FUT9: variants seen among roughly 807,000 people sequenced by gnomAD.
The protein encoded by FUT9 is 4-galactosyl-N-acetylglucosaminide 3-alpha-L-fucosyltransferase 9.
Under a neutral mutation model 29.7 loss-of-function variants are expected in FUT9, and 15 were observed. That is an observed-to-expected ratio of 0.51 (90% CI 0.34 to 0.78). The LOEUF is 0.78. Among genes scored for constraint, FUT9 ranks in the 30% least tolerant of loss-of-function variants. The pLI, the probability that FUT9 is intolerant of heterozygous loss-of-function variation, is 0.01. For synonymous variants in FUT9, 169 were observed against 153.7 expected (o/e 1.10, Z -0.74); for missense variants, 319 against 425.4 (o/e 0.75, Z 2.20).
intron 1 of FUT9, among the ~76,000 whole-genome samples, chr6:96,091,441 A>G (rs1422517754): frequency 6.6e-6 from 1 of 152,110 alleles, no homozygotes; most frequent in Non-Finnish European, 1.5e-5. Flanking sequence ...TCATTATCAT[A>G]TCTTGGATCA....
At chr6:96,116,124 G>A (rs961895149) in intron 2 of FUT9, among the ~76,000 whole-genome samples, 3 of 151,992 alleles carry the variant, frequency 2.0e-5, no homozygotes, top group African/African-American at 7.3e-5. Flanking sequence ...TAATTTTCCT[G>A]GTAAAATATC....
intron 2 of FUT9, among the ~76,000 whole-genome samples, chr6:96,172,977 A>G (rs1773140724): frequency 6.6e-6 from 1 of 152,164 alleles, no homozygotes; most frequent in African/African-American, 2.4e-5. Flanking sequence ...GTCAAAATGA[A>G]TGGTTTTATG....
At chr6:96,199,440 A>G (rs1185992579) in intron 2 of FUT9, among the ~76,000 whole-genome samples, 2 of 152,092 alleles carry the variant, frequency 1.3e-5, no homozygotes. Flanking sequence ...GCAGAGAGTT[A>G]AGAAGGATAA....
chr6:96,065,598 T>C (rs192038877), intron 1 of FUT9, among the ~76,000 whole-genome samples: 1 of 152,324 alleles, frequency 6.6e-6, no homozygotes, highest in East Asian at 1.9e-4. Context: ...GGAATTTATA[T>C]GCAATTTGAA....
chr6:96,108,264 A>G (rs1771730691), intron 1 of FUT9, among the ~76,000 whole-genome samples: 1 of 152,134 alleles, frequency 6.6e-6, no homozygotes, highest in South Asian at 2.1e-4. Context: ...TTAGAGCCAA[A>G]TCATCCCATG....
At chr6:96,026,872 G>T (rs1033552680) in intron 1 of FUT9, among the ~76,000 whole-genome samples, 2 of 151,516 alleles carry the variant, frequency 1.3e-5, no homozygotes, top group Non-Finnish European at 3.0e-5. Flanking sequence ...ATTAAAACTT[G>T]TTGCTTATTA....
At chr6:96,167,174 T>C (rs1023560634) in intron 2 of FUT9, among the ~76,000 whole-genome samples, 17 of 152,220 alleles carry the variant, frequency 1.1e-4, no homozygotes, top group African/African-American at 3.9e-4. Flanking sequence ...AAGAATAATT[T>C]AAAGTCTATT....
At chr6:96,145,060 ATTTG>A (rs1008756754) in intron 2 of FUT9, among the ~76,000 whole-genome samples, 16 of 151,664 alleles carry the variant, frequency 1.1e-4, no homozygotes, top group Admixed American at 5.3e-4. Flanking sequence ...TTATTTATTT[ATTTG>A]TTTGTTTGTT....
chr6:96,058,822 C>T (rs1160944899), intron 1 of FUT9, among the ~76,000 whole-genome samples: 1 of 152,078 alleles, frequency 6.6e-6, no homozygotes, highest in Non-Finnish European at 1.5e-5. Flanking sequence ...ACTGATTATA[C>T]TTGTTCAGTA....
At chr6:96,048,645 G>T (rs910219586) in intron 1 of FUT9, among the ~76,000 whole-genome samples, 1 of 152,188 alleles carries the variant, frequency 6.6e-6, no homozygotes, top group Non-Finnish European at 1.5e-5. Context: ...TGCTACATCT[G>T]GGAGGAGATG....
chr6:96,175,707 C>G (rs1360891510), intron 2 of FUT9, among the ~76,000 whole-genome samples: 1 of 152,142 alleles, frequency 6.6e-6, no homozygotes, highest in African/African-American at 2.4e-5. Flanking sequence ...TTACCTGGTG[C>G]TATAAACCAG....
At chr6:96,090,031 A>C (rs909884340) in intron 1 of FUT9, among the ~76,000 whole-genome samples, 7 of 152,194 alleles carry the variant, frequency 4.6e-5, no homozygotes, top group African/African-American at 1.7e-4. Flanking sequence ...AGGAGATTTT[A>C]ACACACTTCT....
chr6:96,206,691 ACCTC>A lies in FUT9; in HGVS notation c.*2457_*2460del. The A allele has an allele frequency of 6.1e-6, 1 of 163,574 alleles. No homozygotes were observed. The highest frequency in any genetic ancestry group is 2.1e-4 in the South Asian group (1 of 4,826). 10.1% of individuals were successfully genotyped at this position (163,574 alleles called of 1,614,324 possible). ...TGGCCAGGCTGGTCTTGAACTCCTG[ACCTC>A]AAATGATCCACTTGCCTCAGCCTCC... On this transcript the variant is annotated 3_prime_UTR_variant, in exon 3 of 3. Transcript: ENST00000302103.
At chr6:96,159,814 T>C (rs998692406) in intron 2 of FUT9, among the ~76,000 whole-genome samples, 2 of 152,202 alleles carry the variant, frequency 1.3e-5, no homozygotes, top group African/African-American at 4.8e-5. Flanking sequence ...TTGATTATTT[T>C]AGCAGTAGAT....
At chr6:96,115,747 A>G (rs1318242116) in intron 2 of FUT9, among the ~76,000 whole-genome samples, 1 of 152,222 alleles carries the variant, frequency 6.6e-6, no homozygotes, top group Non-Finnish European at 1.5e-5. Flanking sequence ...AATGACAGAA[A>G]AAGTCAAACC....
At chr6:96,160,745 A>C (rs1043958165) in intron 2 of FUT9, among the ~76,000 whole-genome samples, 1 of 152,178 alleles carries the variant, frequency 6.6e-6, no homozygotes, top group Non-Finnish European at 1.5e-5. Context: ...GGAAAAATGA[A>C]AATGCAGATC....
intron 2 of FUT9, among the ~76,000 whole-genome samples, chr6:96,187,682 A>T (rs4133132): frequency 6.6e-6 from 1 of 151,828 alleles, no homozygotes; most frequent in Non-Finnish European, 1.5e-5. Context: ...ATAAAAATAT[A>T]CAGGGAGGGA....
chr6:96,179,753 C>T (rs979099233), intron 2 of FUT9, among the ~76,000 whole-genome samples: 1 of 23,890 alleles, frequency 4.2e-5, no homozygotes, highest in Non-Finnish European at 8.0e-4. Flanking sequence ...AAAGAGAACA[C>T]CTGAAAAAAA....
chr6:96,093,168 A>T (rs1360824977), intron 1 of FUT9, among the ~76,000 whole-genome samples: 2 of 152,070 alleles, frequency 1.3e-5, no homozygotes, highest in African/African-American at 2.4e-5. Context: ...TGTTCTCCCC[A>T]CATAAAATCA....
Sources: gnomAD v4.1 joint callset for allele counts (sites outside exome capture counted in the v4.1 genomes callset) on GRCh38, gnomAD v4.1.1 for gene constraint, MANE v1.5 for transcripts, NCBI Gene and HGNC (gene_info 2026-07-23, HGNC 2026-07-21) for gene names.